EPG5: variants seen among roughly 807,000 people sequenced by gnomAD.
EPG5 encodes the protein ectopic P granules protein 5 homolog.
Under a neutral mutation model 302.7 loss-of-function variants are expected in EPG5, and 159 were observed. That is an observed-to-expected ratio of 0.53 (90% confidence interval 0.46 to 0.60). The LOEUF (loss-of-function observed/expected upper bound fraction) is 0.60, where lower values mean the gene tolerates loss of function less well. Ranked by LOEUF, EPG5 falls within the 20% of genes least tolerant of loss-of-function variation. EPG5 has a pLI of 0.00. For synonymous variants in EPG5, 1,158 were observed against 1,136.8 expected, an observed-to-expected ratio of 1.02 and a Z score of -0.37; for missense variants, 2,896 against 3,092.4, an observed-to-expected ratio of 0.94 and a Z score of 1.51.
chr18:45,940,628 C>G (rs573860544), intron 9 of EPG5, among the ~76,000 whole-genome samples: 1 of 152,142 alleles, frequency 6.6e-6, no homozygotes, highest in African/African-American at 2.4e-5. Context: ...GCAATTAGAA[C>G]GTCAGAATCC....
At chr18:45,846,656 C>G (rs902254003), downstream of EPG5, among the ~76,000 whole-genome samples, 2 of 151,810 alleles carry the variant, frequency 1.3e-5, no homozygotes, top group African/African-American at 4.8e-5. Context: ...AAAGGGGTCC[C>G]GATCCAGACA....
At chr18:45,947,947 G>A (rs1453886972) in intron 6 of EPG5, among the ~76,000 whole-genome samples, 1 of 151,970 alleles carries the variant, frequency 6.6e-6, no homozygotes, top group Admixed American at 6.6e-5. Context: ...GCTAATTTTT[G>A]TATTTTTAGT....
chr18:45,900,303 G>A (rs2049581122), intron 26 of EPG5, among the ~76,000 whole-genome samples: 2 of 151,312 alleles, frequency 1.3e-5, no homozygotes, highest in Non-Finnish European at 2.9e-5. Context: ...TCGGGAGGCT[G>A]AGGCAGGAGA....
rs1423078118 is a variant in EPG5, at chr18:45,927,606, A to G, written c.2553+1263T>C. Among the ~76,000 whole-genome samples, 5 of 150,660 alleles carry G rather than the reference A, an allele frequency of 3.3e-5. No individual in the cohort carries two copies. In the East Asian group the frequency reaches 9.8e-4, roughly 29 times the overall value. ...AACAAAAAGTTATACACACACACAC[A>G]CACACACACACACACACACACACAC... On this transcript the variant is annotated intron_variant, in intron 13 of 43. Coordinates refer to ENST00000282041, the MANE Select transcript of EPG5 (RefSeq NM_020964.3).
At chr18:45,857,776 G>A (rs1224298169) in intron 42 of EPG5, 77 bp downstream of exon 42, 5 of 1,142,820 alleles carry the variant, frequency 4.4e-6, no homozygotes, top group Non-Finnish European at 5.2e-6. Context: ...ACCTACTGAA[G>A]TATATCACAA....
chr18:45,811,724 T>C, the EPG5 span, among the ~76,000 whole-genome samples: 1 of 152,206 alleles, frequency 6.6e-6, no homozygotes, highest in East Asian at 1.9e-4. Flanking sequence ...CAACACTTCA[T>C]GCTAAAAACT....
intron 15 of EPG5, 29 bp downstream of exon 15, chr18:45,923,239 T>C: frequency 1.9e-6 from 3 of 1,608,910 alleles, no homozygotes; most frequent in East Asian, 2.2e-5. Flanking sequence ...TAAAGATTCA[T>C]GTTTCCAAAT....
chr18:45,952,374 G>A (rs200331837), intron 3 of EPG5, 26 bp downstream of exon 3: 200 of 1,609,114 alleles, frequency 1.2e-4, no homozygotes, highest in Non-Finnish European at 1.6e-4. Context: ...CAAAACACAA[G>A]AAAGAGAGCT....
chr18:45,840,081 T>C, the EPG5 span: 1 of 951,546 alleles, frequency 1.1e-6, no homozygotes. Context: ...CACACCCTGC[T>C]AGTCTGCTGT....
At chr18:45,903,340 C>A (rs1474226750) in intron 25 of EPG5, among the ~76,000 whole-genome samples, 3 of 152,056 alleles carry the variant, frequency 2.0e-5, no homozygotes, top group Non-Finnish European at 4.4e-5. Flanking sequence ...CCAGCCAGCA[C>A]CATTTTACAG....
Position 45,870,673 on chromosome 18 carries a change from G to C in EPG5, c.6119C>G (p.Ala2040Gly). The C allele has an allele frequency of 6.2e-7, 1 of 1,613,744 alleles. No homozygotes were observed. Residue 2040 changes from alanine (A) to glycine (G), a missense_variant, in exon 36 of 44, where the codon GCA (alanine) becomes GGA (glycine). By Grantham distance (60) the Ala-to-Gly change is moderately conservative. Coordinates refer to ENST00000282041, the MANE Select transcript of EPG5 (RefSeq NM_020964.3). Reference sequence around the variant, plus strand: ...CAGAATGAACTCTGGCATTTTGGGTGCTGTACATGCTTCACAATAATGCAT... The same window carrying C: ...CAGAATGAACTCTGGCATTTTGGGTCCTGTACATGCTTCACAATAATGCAT... ...HLMHYCEACT[A>G]PKMPEFILYA...
At chr18:45,960,348 T>C (rs1004139520) in intron 1 of EPG5, among the ~76,000 whole-genome samples, 2 of 152,186 alleles carry the variant, frequency 1.3e-5, no homozygotes, top group Admixed American at 6.5e-5. Context: ...AATCACAGCA[T>C]ACTGCAGACC....
At chr18:45,865,522 A>G in intron 39 of EPG5, 93 bp downstream of exon 39, 3 of 1,332,074 alleles carry the variant, frequency 2.3e-6, no homozygotes, top group Non-Finnish European at 3.2e-6. Flanking sequence ...GAGGAGTGCC[A>G]GTGTCCTGAA....
chr18:45,874,163 T>C (rs990872572), intron 35 of EPG5, among the ~76,000 whole-genome samples: 1 of 152,246 alleles, frequency 6.6e-6, no homozygotes, highest in Non-Finnish European at 1.5e-5. Flanking sequence ...TGGACTTTCA[T>C]TGATAATGAT....
At chr18:45,805,862 G>A in the EPG5 span, among the ~76,000 whole-genome samples, 1 of 152,148 alleles carries the variant, frequency 6.6e-6, no homozygotes, top group African/African-American at 2.4e-5. Context: ...AATTGATAGA[G>A]CTAAAGGAAG....
At chr18:45,904,605 A>C (rs1052292061) in intron 24 of EPG5, among the ~76,000 whole-genome samples, 2 of 152,142 alleles carry the variant, frequency 1.3e-5, no homozygotes, top group African/African-American at 4.8e-5. Context: ...TGGACAAACT[A>C]CTCAGTTTCT....
At chr18:45,807,491 C>T in the EPG5 span, among the ~76,000 whole-genome samples, 1 of 152,200 alleles carries the variant, frequency 6.6e-6, no homozygotes, top group Non-Finnish European at 1.5e-5. Flanking sequence ...CTCCCTGCCA[C>T]CTCCACTAGA....
intron 1 of EPG5, among the ~76,000 whole-genome samples, chr18:45,959,625 T>A (rs1388382208): frequency 1.8e-5 from 2 of 108,914 alleles, no homozygotes; most frequent in Non-Finnish European, 3.8e-5. Flanking sequence ...CAGTCTGGGG[T>A]GGGGGCGGGG....
intron 28 of EPG5, among the ~76,000 whole-genome samples, chr18:45,889,115 C>A (rs971145513): frequency 1.3e-5 from 2 of 152,186 alleles, no homozygotes; most frequent in Non-Finnish European, 2.9e-5. Context: ...GGACTCGATG[C>A]TCCCCTCCAT....
Sources: allele counts gnomAD v4.1 joint callset (sites outside exome capture counted in the v4.1 genomes callset), GRCh38; gene constraint gnomAD v4.1.1; transcripts MANE v1.5; gene names NCBI Gene and HGNC (gene_info 2026-07-23, HGNC 2026-07-21).